The following CDH9 variants were observed in gnomAD, a reference collection of about 807,000 sequenced individuals.
CDH9 encodes cadherin 9.
Under a neutral mutation model 70.9 loss-of-function variants are expected in CDH9, and 28 were observed. That is an observed-to-expected ratio of 0.40 (90% CI 0.29 to 0.54). The LOEUF is 0.54. Among genes scored for constraint, CDH9 ranks in the 20% least tolerant of loss-of-function variants. The pLI is 0.59. For missense variants in CDH9, 874 were observed against 984.4 expected (o/e 0.89, Z 1.50); for synonymous variants, 409 against 343.1 (o/e 1.19, Z -2.12).
chr5:26,907,134 G>T (rs1385227869), intron 3 of CDH9, among the ~76,000 whole-genome samples: 1 of 151,602 alleles, frequency 6.6e-6, no homozygotes, highest in Admixed American at 6.6e-5. Context: ...AGTGTTTTAG[G>T]GCAAACATTC....
chr5:26,957,078 A>G (rs1208101340), intron 2 of CDH9, among the ~76,000 whole-genome samples: 5 of 144,714 alleles, frequency 3.5e-5, no homozygotes, highest in African/African-American at 1.0e-4. Context: ...ATTTTTTTCT[A>G]CAATATTATA....
At chr5:26,973,878 G>A (rs1742261534) in intron 2 of CDH9, among the ~76,000 whole-genome samples, 1 of 151,996 alleles carries the variant, frequency 6.6e-6, no homozygotes, top group Non-Finnish European at 1.5e-5. Context: ...TAATTATCTT[G>A]CATAGTATGT....
chr5:26,930,072 C>T (rs566587847), intron 2 of CDH9, among the ~76,000 whole-genome samples: 103 of 152,070 alleles, frequency 6.8e-4, no homozygotes, highest in Non-Finnish European at 1.3e-3. Flanking sequence ...GATTATTGTG[C>T]ATTGTATGCC....
At chr5:26,961,674 T>A (rs1742037238) in intron 2 of CDH9, among the ~76,000 whole-genome samples, 1 of 152,168 alleles carries the variant, frequency 6.6e-6, no homozygotes, top group East Asian at 1.9e-4. Flanking sequence ...CTAATCCATT[T>A]AATTTCCACT....
At chr5:27,017,591 G>T (rs570360957) in intron 1 of CDH9, among the ~76,000 whole-genome samples, 1 of 151,792 alleles carries the variant, frequency 6.6e-6, no homozygotes, top group African/African-American at 2.4e-5. Flanking sequence ...GTGTTTGTTT[G>T]TTTGTTTTAG....
intron 2 of CDH9, among the ~76,000 whole-genome samples, chr5:26,974,986 T>A (rs1472380878): frequency 2.6e-5 from 4 of 152,094 alleles, no homozygotes; most frequent in Admixed American, 2.0e-4. Context: ...AGCTCTCCAT[T>A]TTCCCCACCC....
chr5:26,893,937 A>G (rs1425849153), intron 7 of CDH9, among the ~76,000 whole-genome samples: 1 of 152,270 alleles, frequency 6.6e-6, no homozygotes, highest in South Asian at 2.1e-4. Flanking sequence ...GGCTTTATTG[A>G]TGTTGGGACC....
chr5:26,904,990 A>T (rs1392064878), intron 5 of CDH9, among the ~76,000 whole-genome samples: 1 of 152,092 alleles, frequency 6.6e-6, no homozygotes, highest in Non-Finnish European at 1.5e-5. Flanking sequence ...GATTAAGTTT[A>T]TGTTATTTAG....
At chr5:27,033,245 T>C (rs1485319551) in intron 1 of CDH9, among the ~76,000 whole-genome samples, 1 of 151,476 alleles carries the variant, frequency 6.6e-6, no homozygotes, top group Non-Finnish European at 1.5e-5. Context: ...AAAGGAGTTA[T>C]TTTAGTTCCT....
intron 2 of CDH9, among the ~76,000 whole-genome samples, chr5:26,935,498 C>CA (rs1470120527): frequency 6.6e-6 from 1 of 151,628 alleles, no homozygotes; most frequent in Non-Finnish European, 1.5e-5. Context: ...TCAAAGTATC[C>CA]AAAAAAACAA....
At chr5:26,899,775 G>A (rs1333625777) in intron 7 of CDH9, among the ~76,000 whole-genome samples, 2 of 151,676 alleles carry the variant, frequency 1.3e-5, no homozygotes, top group Admixed American at 6.6e-5. Context: ...TGTAGATGAC[G>A]GTTTGATGGG....
At chr5:26,906,689 TAA>T (rs1400053778) in intron 4 of CDH9, 28 bp downstream of exon 4, 1 of 1,610,372 alleles carries the variant, frequency 6.2e-7, no homozygotes, top group African/African-American at 1.3e-5. Context: ...TATTATACAA[TAA>T]GAAGTCAGCC....
At chr5:26,923,732 A>T (rs1311673248) in intron 2 of CDH9, among the ~76,000 whole-genome samples, 1 of 152,142 alleles carries the variant, frequency 6.6e-6, no homozygotes, top group East Asian at 1.9e-4. Context: ...CCACAATGGA[A>T]TAAAACTAGA....
chr5:27,035,077 A>C (rs1743369478), intron 1 of CDH9, among the ~76,000 whole-genome samples: 1 of 150,656 alleles, frequency 6.6e-6, no homozygotes, highest in African/African-American at 2.4e-5. Flanking sequence ...TCTATCCTCT[A>C]TGTATCTGTC....
intron 6 of CDH9, chr5:26,903,320 T>G (rs1264800491): frequency 2.5e-6 from 1 of 399,674 alleles, no homozygotes; most frequent in African/African-American, 2.1e-5. Context: ...GAAAATATTT[T>G]GAAAAGTGCA....
intron 2 of CDH9, among the ~76,000 whole-genome samples, chr5:26,916,385 T>C (rs1399712479): frequency 6.6e-6 from 1 of 151,976 alleles, no homozygotes; most frequent in East Asian, 1.9e-4. Context: ...CTGATTTTAT[T>C]CTCCTTCAGT....
At chr5:27,027,190 GAT>G (rs1743234668) in intron 1 of CDH9, among the ~76,000 whole-genome samples, 1 of 151,920 alleles carries the variant, frequency 6.6e-6, no homozygotes, top group African/African-American at 2.4e-5. Flanking sequence ...TTCTATCTAT[GAT>G]ATTGAGTATT....
chr5:26,933,127 A>C (rs1001009167), intron 2 of CDH9, among the ~76,000 whole-genome samples: 1 of 147,438 alleles, frequency 6.8e-6, no homozygotes, highest in Non-Finnish European at 1.5e-5. Flanking sequence ...AAAAATATAA[A>C]TATAGTTATA....
At chr5:26,922,209 AT>A (rs1741257909) in intron 2 of CDH9, among the ~76,000 whole-genome samples, 1 of 152,050 alleles carries the variant, frequency 6.6e-6, no homozygotes, top group African/African-American at 2.4e-5. Context: ...TTAGAAAAAA[AT>A]ATTAATATTC....
Sources: gnomAD v4.1 joint callset for allele counts (sites outside exome capture counted in the v4.1 genomes callset) on GRCh38, gnomAD v4.1.1 for gene constraint, MANE v1.5 for transcripts, NCBI Gene and HGNC (gene_info 2026-07-23, HGNC 2026-07-21) for gene names.